The following CERS6 variants were observed in gnomAD, a reference collection of about 807,000 sequenced individuals.
The protein encoded by CERS6 is LAG1 homolog, ceramide synthase 6.
Under a neutral mutation model 56.8 loss-of-function variants are expected in CERS6, and 26 were observed. That is an observed-to-expected ratio of 0.46 (90% CI 0.34 to 0.63). CERS6 has a LOEUF of 0.63. Among genes scored for constraint, CERS6 ranks in the 30% least tolerant of loss-of-function variants. The pLI is 0.01. For synonymous variants in CERS6, 164 were observed against 173.3 expected (o/e 0.95, Z 0.42); for missense variants, 415 against 467.5 (o/e 0.89, Z 1.04).
chr2:168,479,928 T>C (rs899242230), intron 1 of CERS6, among the ~76,000 whole-genome samples: 1 of 152,210 alleles, frequency 6.6e-6, no homozygotes, highest in African/African-American at 2.4e-5. Flanking sequence ...TTCTGGTCTT[T>C]ACTAGCGTGC....
chr2:168,474,370 G>T (rs1694030428), intron 1 of CERS6, among the ~76,000 whole-genome samples: 1 of 152,146 alleles, frequency 6.6e-6, no homozygotes, highest in Non-Finnish European at 1.5e-5. Context: ...AGAATTGCTG[G>T]ATCAGAGAAT....
At chr2:168,484,908 T>C (rs1182455454) in intron 1 of CERS6, among the ~76,000 whole-genome samples, 2 of 152,220 alleles carry the variant, frequency 1.3e-5, no homozygotes, top group Non-Finnish European at 2.9e-5. Flanking sequence ...ACGCTTCATA[T>C]TCTCTCATAG....
At chr2:168,535,084 A>G (rs1360276288) in intron 1 of CERS6, among the ~76,000 whole-genome samples, 1 of 152,192 alleles carries the variant, frequency 6.6e-6, no homozygotes, top group East Asian at 1.9e-4. Flanking sequence ...GGGGAAAAGC[A>G]TGGCCTGGAG....
chr2:168,700,701 T>C (rs1430212437), intron 6 of CERS6, among the ~76,000 whole-genome samples: 1 of 152,224 alleles, frequency 6.6e-6, no homozygotes, highest in African/African-American at 2.4e-5. Flanking sequence ...CGATGTGACC[T>C]TGAGCAAGTT....
intron 3 of CERS6, among the ~76,000 whole-genome samples, chr2:168,604,086 G>A (rs1225265506): frequency 3.3e-5 from 5 of 152,124 alleles, no homozygotes. Context: ...GTGTTTGAGG[G>A]AGTCATTCTC....
chr2:168,737,839 C>T (rs1037747880), intron 8 of CERS6, among the ~76,000 whole-genome samples: 4 of 152,136 alleles, frequency 2.6e-5, no homozygotes, highest in African/African-American at 9.7e-5. Flanking sequence ...TTAGTGACAG[C>T]CATTTCTGCA....
At position 168,772,926 on chromosome 2, in the gene CERS6, A is replaced by G. The variant is rs946779707; in HGVS notation, c.*3264A>G. The G allele has an allele frequency of 6.6e-6, 1 of 152,558 alleles. No homozygotes were observed. The highest frequency in any genetic ancestry group is 6.5e-5 in the Admixed American group (1 of 15,288). The allele number at this position is 152,558 out of a possible 1,614,324, so 9.5% of individuals were successfully genotyped here. A position where few individuals can be genotyped will look rare whatever the true frequency, so the allele number is the denominator to read the frequency against. On this transcript the variant is annotated 3_prime_UTR_variant, in exon 10 of 10. Coordinates refer to ENST00000305747, the MANE Select transcript of CERS6 (RefSeq NM_203463.3). ...ATCAAAATGGTTGGTGAACCTCCAC[A>G]TGTCCAGTTCTGTTGCCAAACTTTC...
At chr2:168,731,422 T>C (rs1306044496) in intron 8 of CERS6, among the ~76,000 whole-genome samples, 1 of 152,188 alleles carries the variant, frequency 6.6e-6, no homozygotes, top group Non-Finnish European at 1.5e-5. Context: ...GAAAAATTTC[T>C]AGTTATCACT....
At chr2:168,564,543 C>G (rs1043699284) in intron 3 of CERS6, among the ~76,000 whole-genome samples, 1 of 152,030 alleles carries the variant, frequency 6.6e-6, no homozygotes, top group Non-Finnish European at 1.5e-5. Context: ...ATATTAGGTC[C>G]CTGAGCCTGA....
At chr2:168,608,127 A>G (rs1489391432) in intron 3 of CERS6, among the ~76,000 whole-genome samples, 7 of 152,230 alleles carry the variant, frequency 4.6e-5, no homozygotes, top group South Asian at 2.1e-4. Flanking sequence ...AACATTTCAT[A>G]TAAGTGGAAT....
At chr2:168,665,293 A>G (rs1409671202) in intron 4 of CERS6, among the ~76,000 whole-genome samples, 1 of 152,010 alleles carries the variant, frequency 6.6e-6, no homozygotes, top group African/African-American at 2.4e-5. Context: ...CTGCTCTAGC[A>G]TTTTATGAAA....
chr2:168,670,285 C>T (rs1685874678), intron 4 of CERS6, among the ~76,000 whole-genome samples: 1 of 152,160 alleles, frequency 6.6e-6, no homozygotes, highest in Non-Finnish European at 1.5e-5. Flanking sequence ...AATTTGTCTG[C>T]ATTTTTTCCC....
At position 168,770,518 on chromosome 2, in the gene CERS6, A is replaced by AT. The variant is rs1473245830; in HGVS notation, c.*857dup. On this transcript the variant is annotated 3_prime_UTR_variant, in exon 10 of 10. Coordinates refer to ENST00000305747, the MANE Select transcript of CERS6 (RefSeq NM_203463.3). ...TGGGAATTTGTCCTGTGTTCTGGGA[A>AT]TAACATAAAGAGAGCAACTGATTTC... The AT allele has an allele frequency of 1.3e-5, 2 of 152,696 alleles. No homozygotes were observed. The highest frequency in any genetic ancestry group is 4.8e-5 in the African/African-American group (2 of 41,470). 9.5% of individuals were successfully genotyped at this position (152,696 alleles called of 1,614,324 possible).
At chr2:168,494,812 C>A (rs1694437064) in intron 1 of CERS6, among the ~76,000 whole-genome samples, 1 of 152,158 alleles carries the variant, frequency 6.6e-6, no homozygotes, top group Non-Finnish European at 1.5e-5. Context: ...CTAGTGACCT[C>A]CACCTGGCAA....
chr2:168,584,027 A>G (rs1683482599), intron 3 of CERS6, among the ~76,000 whole-genome samples: 1 of 152,236 alleles, frequency 6.6e-6, no homozygotes, highest in Non-Finnish European at 1.5e-5. Context: ...CTCATTGGGT[A>G]GATGATTTTA....
intron 7 of CERS6, among the ~76,000 whole-genome samples, chr2:168,717,561 T>C (rs1687255418): frequency 6.6e-6 from 1 of 152,230 alleles, no homozygotes; most frequent in Admixed American, 6.5e-5. Flanking sequence ...TGCAAGAATC[T>C]CTTATTTTTC....
At chr2:168,532,471 C>G (rs1326550117) in intron 1 of CERS6, among the ~76,000 whole-genome samples, 2 of 151,842 alleles carry the variant, frequency 1.3e-5, no homozygotes, top group African/African-American at 2.4e-5. Flanking sequence ...GCCTTGAATG[C>G]CATCCTTTTT....
At position 168,562,140 on chromosome 2, in the gene CERS6, T is replaced by C. The variant is rs529229749; in HGVS notation, c.407+818T>C. On this transcript the variant is annotated intron_variant, in intron 3 of 9. Transcript: ENST00000305747. Reference sequence around the variant, plus strand: ...AGCTGTTTCCTGACGTCTGGTCATTTAAACAGTAGTGCTTTCGGTGTAACT... The same window carrying C: ...AGCTGTTTCCTGACGTCTGGTCATTCAAACAGTAGTGCTTTCGGTGTAACT... Among the ~76,000 whole-genome samples the C allele has an allele frequency of 1.1e-3, 165 of 152,318 alleles. 1 individual carries two copies. Among genetic ancestry groups the C allele is most frequent in the African/African-American group, 3.6e-3 (150 of 41,564 alleles).
At chr2:168,713,285 T>C (rs1194082210) in intron 6 of CERS6, among the ~76,000 whole-genome samples, 3 of 152,230 alleles carry the variant, frequency 2.0e-5, no homozygotes, top group Admixed American at 2.0e-4. Context: ...TTTTCGGATA[T>C]GCTTTTCATT....
Sources: allele counts gnomAD v4.1 joint callset (sites outside exome capture counted in the v4.1 genomes callset), GRCh38; gene constraint gnomAD v4.1.1; transcripts MANE v1.5; gene names NCBI Gene and HGNC (gene_info 2026-07-23, HGNC 2026-07-21).